FREM1: variants seen among roughly 807,000 people sequenced by gnomAD.
The protein encoded by FREM1 is FRAS1 related extracellular matrix 1.
In FREM1, 220 loss-of-function variants were observed where a neutral mutation model predicts 210.1. The observed-to-expected ratio is 1.05, with a 90% confidence interval of 0.94 to 1.17. The LOEUF (loss-of-function observed/expected upper bound fraction) is 1.17. Ranked by LOEUF, FREM1 falls within the 50% of genes most tolerant of loss-of-function variation. FREM1 has a pLI of 0.00. For synonymous variants in FREM1, 1,189 were observed against 980.2 expected, an observed-to-expected ratio of 1.21 and a Z score of -3.98; for missense variants, 3,454 against 2,675.5, an observed-to-expected ratio of 1.29 and a Z score of -6.42.
intron 35 of FREM1, 137 bp downstream of exon 35, chr9:14,746,216 G>A (rs1178516354): frequency 1.7e-6 from 1 of 604,436 alleles, no homozygotes; most frequent in Admixed American, 3.0e-5. Flanking sequence ...AACTCCCTCA[G>A]GGCTCCTAAA....
chr9:14,910,322 C>T lies in FREM1; in HGVS notation c.-676G>A, dbSNP rs1274012219. 6.6e-6 allele frequency: 1 copy of T among 152,298 alleles called. No individual in the cohort carries two copies. Among genetic ancestry groups the T allele is most frequent in the East Asian group, 1.9e-4 (1 of 5,196 alleles). 9.4% of individuals were successfully genotyped at this position (152,298 alleles called of 1,614,324 possible). A position where few individuals can be genotyped will look rare whatever the true frequency, so the allele number is the denominator to read the frequency against. On this transcript the variant is annotated 5_prime_UTR_variant, in exon 1 of 37. Transcript: ENST00000380880. Reference sequence around the variant, plus strand: ...CGGACAGCCACCGCTAGCCCCGTGCCTTCTGCTGGTTGGGTCCGCAGGGAC... The same window carrying T: ...CGGACAGCCACCGCTAGCCCCGTGCTTTCTGCTGGTTGGGTCCGCAGGGAC...
chr9:14,753,886 C>A (rs777384107), intron 29 of FREM1, among the ~76,000 whole-genome samples: 3 of 152,148 alleles, frequency 2.0e-5, no homozygotes, highest in Non-Finnish European at 4.4e-5. Flanking sequence ...ATAAGATATG[C>A]TTATATTATT....
chr9:14,812,822 G>T lies in FREM1; in HGVS notation c.2883C>A (p.Tyr961Ter). Residue 961 changes from tyrosine to a stop codon, truncating the protein, a stop_gained, in exon 16 of 37, where the codon TAC becomes TAA. Transcript: ENST00000380880. LOFTEE classifies it high-confidence loss of function. ...QRDVISEAVT[Y>*]KHTGGEIGLM... Reference sequence around the variant, plus strand: ...CATGCTGCTGCTTACCTGTGTGTTTGTATGTCACGGCCTCTGAGATAACAT... The same window carrying T: ...CATGCTGCTGCTTACCTGTGTGTTTTTATGTCACGGCCTCTGAGATAACAT... The T allele has an allele frequency of 1.9e-6, 3 of 1,608,686 alleles. No homozygotes were observed. Among genetic ancestry groups the T allele is most frequent in the Non-Finnish European group, 2.5e-6 (3 of 1,176,754 alleles).
intron 24 of FREM1, 45 bp from the exon 25 acceptor site, chr9:14,776,248 C>T (rs748415275): frequency 6.7e-7 from 1 of 1,499,916 alleles, no homozygotes; most frequent in South Asian, 1.4e-5. Flanking sequence ...ATTCTTGTGT[C>T]ACCATCTACT....
chr9:14,742,194 A>G (rs1172089049), intron 35 of FREM1, among the ~76,000 whole-genome samples: 1 of 152,222 alleles, frequency 6.6e-6, no homozygotes, highest in Non-Finnish European at 1.5e-5. Context: ...TATTTGTAGT[A>G]TAGAATTAGA....
intron 1 of FREM1, among the ~76,000 whole-genome samples, chr9:14,887,030 A>G (rs1223688028): frequency 6.6e-6 from 1 of 152,112 alleles, no homozygotes; most frequent in East Asian, 1.9e-4. Flanking sequence ...TTAAGCATAA[A>G]CTTTTAGGTG....
At chr9:14,737,657 C>A (rs1363972384) in intron 36 of FREM1, 62 bp from the exon 37 acceptor site, 2 of 1,300,498 alleles carry the variant, frequency 1.5e-6, no homozygotes, top group Non-Finnish European at 2.0e-6. Context: ...GATATCATAT[C>A]CAGCTGTTGC....
In FREM1 at chr9:14,842,524, G is replaced by T; in HGVS notation, c.1530C>A (p.Phe510Leu). The stretch of plus-strand genomic sequence containing the variant: ...CATCTTTGGGCAAGACGTTGATGGG[G>T]AATTTGTGACGGATGCTGTGATGGC... ...FDGHHSIRHKFPINVLPKDDS... is the reference protein window; with the variant it reads ...FDGHHSIRHKLPINVLPKDDS... The change falls in exon 9 of 37, where the codon TTC becomes TTA. Residue 510 changes from phenylalanine to leucine, a missense_variant. Phe to Leu is a conservative substitution (Grantham distance 22). Transcript: ENST00000380880. 1.9e-6 allele frequency: 3 copies of T among 1,614,014 alleles called. No individual in the cohort carries two copies. Among genetic ancestry groups the T allele is most frequent in the Non-Finnish European group, 2.5e-6 (3 of 1,179,876 alleles).
At chr9:14,869,676 T>C (rs1832225346) in intron 1 of FREM1, among the ~76,000 whole-genome samples, 1 of 152,236 alleles carries the variant, frequency 6.6e-6, no homozygotes, top group South Asian at 2.1e-4. Context: ...TTTGAAAACA[T>C]GATTCATTCT....
At chr9:14,798,349 C>T (rs1271395549) in intron 20 of FREM1, among the ~76,000 whole-genome samples, 2 of 152,132 alleles carry the variant, frequency 1.3e-5, no homozygotes, top group Admixed American at 6.5e-5. Flanking sequence ...GTGGTGAGCG[C>T]CTGTAGTCCT....
intron 3 of FREM1, among the ~76,000 whole-genome samples, chr9:14,859,913 T>C (rs950546715): frequency 5.9e-5 from 9 of 152,132 alleles, no homozygotes; most frequent in African/African-American, 2.2e-4. Context: ...ACTACATAGG[T>C]GGTCATTTGC....
intron 1 of FREM1, among the ~76,000 whole-genome samples, chr9:14,901,679 C>T (rs1838808910): frequency 6.6e-6 from 1 of 152,166 alleles, no homozygotes; most frequent in South Asian, 2.1e-4. Flanking sequence ...CTCATTTAAT[C>T]ATCTGAACTA....
chr9:14,776,594 TG>T (rs1316239707), intron 24 of FREM1, among the ~76,000 whole-genome samples: 1 of 152,364 alleles, frequency 6.6e-6, no homozygotes, highest in East Asian at 1.9e-4. Context: ...ATTTTTCAAT[TG>T]TTTTTTTCTT....
rs367864890 is a variant in FREM1, at chr9:14,737,553, C to A, written c.6383G>T (p.Gly2128Val). The change falls in exon 37 of 37, where the codon GGT (glycine) becomes GTT (valine). Residue 2128 changes from glycine to valine, a missense_variant. Coordinates refer to ENST00000380880, the MANE Select transcript of FREM1 (RefSeq NM_001379081.2). ...QVHAGHWEWI[G>V]GEPVAFTNGR... ...ATTGGTGAAGGCAACAGGTTCACCACCGATCCACTCCCAGTGGCCAGCATG... is the reference window on the plus strand; with the variant it reads ...ATTGGTGAAGGCAACAGGTTCACCAACGATCCACTCCCAGTGGCCAGCATG... The A allele has an allele frequency of 6.2e-7, 1 of 1,603,024 alleles. No individual in the cohort carries two copies. The highest frequency in any genetic ancestry group is 1.1e-5 in the South Asian group (1 of 89,336).
intron 27 of FREM1, among the ~76,000 whole-genome samples, chr9:14,761,878 G>C (rs1352296390): frequency 6.6e-6 from 1 of 152,220 alleles, no homozygotes; most frequent in African/African-American, 2.4e-5. Context: ...TGGCCCCAAA[G>C]TGCAAGAGTA....
intron 27 of FREM1, among the ~76,000 whole-genome samples, chr9:14,765,755 G>T (rs1257772966): frequency 6.6e-6 from 1 of 152,206 alleles, no homozygotes; most frequent in African/African-American, 2.4e-5. Context: ...AATGTGAGTT[G>T]CCAGAGGGAG....
At chr9:14,857,397 G>T in intron 5 of FREM1, 156 bp downstream of exon 5, 1 of 743,084 alleles carries the variant, frequency 1.3e-6, no homozygotes. Flanking sequence ...CTTACTAGCA[G>T]AACCAACAAG....
intron 1 of FREM1, among the ~76,000 whole-genome samples, chr9:14,900,709 G>C (rs1478740538): frequency 6.6e-6 from 1 of 152,204 alleles, no homozygotes; most frequent in Non-Finnish European, 1.5e-5. Context: ...GCCTAGCTGG[G>C]ATGGCCATCC....
chr9:14,739,415 C>T (rs986811556), intron 36 of FREM1, among the ~76,000 whole-genome samples: 5 of 147,304 alleles, frequency 3.4e-5, no homozygotes, highest in African/African-American at 1.3e-4. Flanking sequence ...ACCTATAATT[C>T]TTGACTGGAG....
Sources: gnomAD v4.1 joint callset for allele counts (sites outside exome capture counted in the v4.1 genomes callset) on GRCh38, gnomAD v4.1.1 for gene constraint, MANE v1.5 for transcripts, NCBI Gene and HGNC (gene_info 2026-07-23, HGNC 2026-07-21) for gene names.